GAB2: variants seen among roughly 807,000 people sequenced by gnomAD.
The protein encoded by GAB2 is GRB2 associated binding protein 2.
Under a neutral mutation model 65.5 loss-of-function variants are expected in GAB2, and 26 were observed. The observed-to-expected ratio is 0.40, with a 90% CI of 0.29 to 0.55. The LOEUF (loss-of-function observed/expected upper bound fraction) is 0.55. Ranked by LOEUF, GAB2 falls within the 20% of genes least tolerant of loss-of-function variation. The probability of loss-of-function intolerance (pLI) is 0.53; values close to 1 mark genes in which losing one functional copy is unlikely to be tolerated. For missense variants in GAB2, 884 were observed against 875.8 expected (o/e 1.01, Z -0.12); for synonymous variants, 321 against 329.6 (o/e 0.97, Z 0.28).
chr11:78,314,468 C>G (rs1052011184), intron 1 of GAB2, among the ~76,000 whole-genome samples: 1 of 152,124 alleles, frequency 6.6e-6, no homozygotes, highest in African/African-American at 2.4e-5. Flanking sequence ...TGAAGTCAGT[C>G]CCCTAGGTTT....
chr11:78,361,102 A>T (rs369141155), intron 1 of GAB2, among the ~76,000 whole-genome samples: 1 of 152,242 alleles, frequency 6.6e-6, no homozygotes, highest in Non-Finnish European at 1.5e-5. Context: ...TAAAATGCTT[A>T]GATTATGATA....
At chr11:78,310,686 T>A (rs1265130044) in intron 1 of GAB2, among the ~76,000 whole-genome samples, 1 of 152,116 alleles carries the variant, frequency 6.6e-6, no homozygotes, top group East Asian at 1.9e-4. Flanking sequence ...TAGTGATGAA[T>A]CTCAGTTCAC....
intron 2 of GAB2, among the ~76,000 whole-genome samples, chr11:78,278,606 A>G (rs3018314): frequency 0.16 from 23,804 of 150,018 alleles, 2,384 homozygotes; most frequent in East Asian, 0.41. Context: ...CTCGAACTCC[A>G]GGCCTCAGGT....
intron 1 of GAB2, 89 bp from the exon 2 acceptor site, chr11:78,280,990 G>T (rs1227989349): frequency 2.2e-5 from 25 of 1,124,336 alleles, no homozygotes; most frequent in Non-Finnish European, 3.1e-5. Context: ...GTCTTGCCCT[G>T]TTGCCCAGGC....
chr11:78,336,678 T>C (rs998801607), intron 1 of GAB2, among the ~76,000 whole-genome samples: 4 of 152,192 alleles, frequency 2.6e-5, no homozygotes, highest in Non-Finnish European at 4.4e-5. Context: ...TGTCTACACA[T>C]TATTTTAGAC....
chr11:78,299,005 G>A (rs1866916183), intron 1 of GAB2, among the ~76,000 whole-genome samples: 1 of 152,144 alleles, frequency 6.6e-6, no homozygotes, highest in African/African-American at 2.4e-5. Context: ...GTTCACAATG[G>A]AGAATACCAG....
intron 1 of GAB2, among the ~76,000 whole-genome samples, chr11:78,306,745 A>T (rs1855370063): frequency 6.6e-6 from 1 of 152,202 alleles, no homozygotes; most frequent in South Asian, 2.1e-4. Context: ...GAAAATAAAC[A>T]GGATTTAGAT....
intron 4 of GAB2, 151 bp downstream of exon 4, chr11:78,226,314 C>A (rs773725395): frequency 6.3e-5 from 41 of 653,630 alleles, no homozygotes; most frequent in Non-Finnish European, 1.1e-4. Flanking sequence ...GGTAAGGGAT[C>A]TGGGTAGAAG....
Position 78,222,032 on chromosome 11 carries a change from G to T in GAB2, c.1658+73C>A, listed in dbSNP as rs1864450353. On this transcript the variant is annotated intron_variant, in intron 7 of 9. Coordinates refer to ENST00000361507, the MANE Select transcript of GAB2 (RefSeq NM_080491.3). The stretch of plus-strand genomic sequence containing the variant: ...CAGAATCCAGCTGTCCCGGCCCACA[G>T]GCCAGCTACCACATCACTCATTTTC... The T allele has an allele frequency of 6.1e-6, 6 of 977,220 alleles. No individual in the cohort carries two copies. The Admixed American group carries it at 6.8e-5, about 11-fold the overall frequency. 60.5% of individuals were successfully genotyped at this position (977,220 alleles called of 1,614,324 possible).
At chr11:78,223,927 A>C (rs368960200) in intron 5 of GAB2, among the ~76,000 whole-genome samples, 9 of 152,104 alleles carry the variant, frequency 5.9e-5, no homozygotes, top group African/African-American at 2.2e-4. Context: ...CTAAAAATCC[A>C]AAGTATTAGC....
intron 1 of GAB2, among the ~76,000 whole-genome samples, chr11:78,415,621 T>C (rs372318958): frequency 2.0e-5 from 3 of 152,316 alleles, no homozygotes; most frequent in African/African-American, 4.8e-5. Context: ...AAGCTGTTAC[T>C]TAAAGCTGTT....
intron 1 of GAB2, among the ~76,000 whole-genome samples, chr11:78,414,701 A>G (rs1189999471): frequency 1.3e-5 from 2 of 152,066 alleles, no homozygotes; most frequent in African/African-American, 2.4e-5. Context: ...ACTTTTTGCA[A>G]TTTCTCCAGG....
Position 78,217,355 on chromosome 11 carries a change from T to C in GAB2, c.*1917A>G, listed in dbSNP as rs1466253113. On this transcript the variant is annotated 3_prime_UTR_variant, in exon 10 of 10. Transcript: ENST00000361507. ...GACAGCAGCCATTAATAAATACTCC[T>C]TGAGTTGATCTAAACTAATGCTAGG... 2.6e-5 allele frequency: 4 copies of C among 152,196 alleles called. No homozygotes were observed. Among genetic ancestry groups the C allele is most frequent in the Non-Finnish European group, 4.4e-5 (3 of 68,044 alleles). 9.4% of individuals were successfully genotyped at this position (152,196 alleles called of 1,614,324 possible).
At chr11:78,235,382 G>A (rs1259562860) in intron 3 of GAB2, among the ~76,000 whole-genome samples, 1 of 152,014 alleles carries the variant, frequency 6.6e-6, no homozygotes, top group Non-Finnish European at 1.5e-5. Flanking sequence ...TCGATCTCCT[G>A]ACCTTGAGAT....
At chr11:78,302,206 T>G (rs963898634) in intron 1 of GAB2, among the ~76,000 whole-genome samples, 1 of 152,004 alleles carries the variant, frequency 6.6e-6, no homozygotes, top group African/African-American at 2.4e-5. Context: ...TTAATTAAAC[T>G]AAAGAGCTTT....
At chr11:78,400,729 C>T (rs1034895268) in intron 1 of GAB2, among the ~76,000 whole-genome samples, 1 of 151,632 alleles carries the variant, frequency 6.6e-6, no homozygotes, top group African/African-American at 2.4e-5. Flanking sequence ...AGAGCAAAAC[C>T]CCATCTCTAT....
At chr11:78,410,482 T>G (rs1857113166) in intron 1 of GAB2, among the ~76,000 whole-genome samples, 2 of 152,292 alleles carry the variant, frequency 1.3e-5, no homozygotes, top group African/African-American at 4.8e-5. Flanking sequence ...CCACCCCAGG[T>G]GACAGAGTGA....
chr11:78,370,678 T>G (rs531916718), intron 1 of GAB2, among the ~76,000 whole-genome samples: 1 of 151,856 alleles, frequency 6.6e-6, no homozygotes, highest in Non-Finnish European at 1.5e-5. Flanking sequence ...ACAGGATGGG[T>G]TGTATGGAAC....
chr11:78,272,563 G>A (rs1866044243), intron 2 of GAB2, among the ~76,000 whole-genome samples: 1 of 152,204 alleles, frequency 6.6e-6, no homozygotes, highest in Non-Finnish European at 1.5e-5. Context: ...CATTTAAGAG[G>A]TGACTTGGGT....
Sources: gnomAD v4.1 joint callset for allele counts (sites outside exome capture counted in the v4.1 genomes callset) on GRCh38, gnomAD v4.1.1 for gene constraint, MANE v1.5 for transcripts, NCBI Gene and HGNC (gene_info 2026-07-23, HGNC 2026-07-21) for gene names.